Variants in DTYMK observed in about 807,000 individuals in gnomAD.
The protein encoded by DTYMK is thymidylate kinase.
DTYMK carries 20 observed loss-of-function variants against 20.3 expected under a neutral mutation model. The ratio of observed to expected loss-of-function variants is 0.99; its 90% CI spans 0.69 to 1.43. The LOEUF is 1.43. Ranked by LOEUF, DTYMK falls within the 40% of genes most tolerant of loss-of-function variation. The pLI is 0.00. For missense variants in DTYMK, 320 were observed against 291.1 expected (o/e 1.10, Z -0.72); for synonymous variants, 148 against 124.4 (o/e 1.19, Z -1.27).
chr2:241,676,934 C>T (rs1229782806), intron 4 of DTYMK, among the ~76,000 whole-genome samples: 5 of 152,274 alleles, frequency 3.3e-5, no homozygotes, highest in African/African-American at 9.6e-5. Context: ...ACCAGTGCAA[C>T]ACTGGGCCTG....
intron 3 of DTYMK, among the ~76,000 whole-genome samples, chr2:241,679,602 C>T (rs1433122577): frequency 1.3e-5 from 2 of 152,070 alleles, no homozygotes; most frequent in Non-Finnish European, 2.9e-5. Flanking sequence ...TGTACTCCAG[C>T]CTGGGCAACA....
In DTYMK at chr2:241,682,695, G is replaced by A. The variant is rs188870736; in HGVS notation, c.240-2376C>T. 4.5e-3 allele frequency: 762 copies of A among 169,826 alleles called. 7 individuals are homozygous for A. Among genetic ancestry groups the A allele is most frequent in the African/African-American group, 0.017 (727 of 41,618 alleles). The allele number at this position is 169,826 out of a possible 1,614,324, so 10.5% of individuals were successfully genotyped here. Reference sequence around the variant, plus strand: ...CCAGCACTTTGGGAGGCTAAAGCAGGTGGATCACCTGAGGTCAGGAGTTCA... The same window carrying A: ...CCAGCACTTTGGGAGGCTAAAGCAGATGGATCACCTGAGGTCAGGAGTTCA... On this transcript the variant is annotated intron_variant, in intron 2 of 4. Transcript: ENST00000305784.
At position 241,678,661 on chromosome 2, in the gene DTYMK, GAACCC is replaced by G; in HGVS notation, c.331-17_331-13del. The G allele has an allele frequency of 6.2e-7, 1 of 1,613,784 alleles. No individual in the cohort carries two copies. The highest frequency in any genetic ancestry group is 8.5e-7 in the Non-Finnish European group (1 of 1,179,916). ...TCTAGGGAAAAATTCTGCCAAGAAA[GAACCC>G]AACAGTTAAAGCTTAGTGTAGTCTA... On this transcript the variant is annotated splice_polypyrimidine_tract_variant and intron_variant, in intron 3 of 4. Coordinates refer to ENST00000305784, the MANE Select transcript of DTYMK (RefSeq NM_012145.4).
intron 4 of DTYMK, among the ~76,000 whole-genome samples, chr2:241,676,948 C>T (rs1268546549): frequency 2.0e-5 from 3 of 152,262 alleles, no homozygotes; most frequent in Non-Finnish European, 2.9e-5. Flanking sequence ...GGGCCTGACT[C>T]GTCCTTGCGG....
chr2:241,677,639 T>G (rs1575102521), intron 4 of DTYMK, among the ~76,000 whole-genome samples: 1 of 151,574 alleles, frequency 6.6e-6, no homozygotes, highest in Non-Finnish European at 1.5e-5. Context: ...GGGAGAGAGG[T>G]AGGGGCTGCG....
chr2:241,684,716 A>T, intron 2 of DTYMK: 1 of 467,238 alleles, frequency 2.1e-6, no homozygotes, highest in Non-Finnish European at 4.4e-6. Flanking sequence ...AAGAACACAC[A>T]TCAACATTAA....
At position 241,678,703 on chromosome 2, in the gene DTYMK, C is replaced by T. The variant is rs988419398; in HGVS notation, c.331-54G>A. The T allele has an allele frequency of 1.9e-5, 30 of 1,587,268 alleles. No homozygotes were observed. The African/African-American group carries it at 2.4e-4, about 13-fold the overall frequency. ...CTTAGTGTAGTCTAGGTTTTTGTTT[C>T]GAAAGTCGTAAAAACAGGAAAAAAT... is the stretch of plus-strand genomic sequence containing the variant. On this transcript the variant is annotated intron_variant, in intron 3 of 4. Coordinates refer to ENST00000305784, the MANE Select transcript of DTYMK (RefSeq NM_012145.4).
rs530571589 is a variant in DTYMK at position 241,678,097 on chromosome 2, G to A, written c.528+355C>T. On this transcript the variant is annotated intron_variant, in intron 4 of 4. Coordinates refer to ENST00000305784, the MANE Select transcript of DTYMK (RefSeq NM_012145.4). ...TGGAGACCAGCCTGACCAACGTGGA[G>A]AAACCCCATCTCTACAAAAAAAATT... 1.1e-3 allele frequency among the ~76,000 whole-genome samples: 166 copies of A among 152,184 alleles called. 1 individual carries two copies. Among genetic ancestry groups the A allele is most frequent in the African/African-American group, 3.7e-3 (154 of 41,498 alleles).
Position 241,686,764 on chromosome 2 carries a change from G to C in DTYMK, c.20C>G (p.Ala7Gly). The C allele has an allele frequency of 6.8e-7, 1 of 1,465,438 alleles. No homozygotes were observed. The highest frequency in any genetic ancestry group is 8.9e-7 in the Non-Finnish European group (1 of 1,123,286). The allele number at this position is 1,465,438 out of a possible 1,614,324, so 90.8% of individuals were successfully genotyped here. MAARRG[A>G]LIVLEGVDRA... Reference sequence around the variant, plus strand: ...GTCCACGCCCTCCAGCACTATGAGAGCCCCGCGCCGGGCCGCCATGACTGT... The same window carrying C: ...GTCCACGCCCTCCAGCACTATGAGACCCCCGCGCCGGGCCGCCATGACTGT... Residue 7 changes from alanine to glycine, a missense_variant, in exon 1 of 5, where the codon GCT becomes GGT. By Grantham distance (60) the Ala-to-Gly change is moderately conservative. Coordinates refer to ENST00000305784, the MANE Select transcript of DTYMK (RefSeq NM_012145.4).
chr2:241,686,628 G>A (rs1459129712), intron 1 of DTYMK, 26 bp downstream of exon 1: 2 of 1,482,406 alleles, frequency 1.3e-6, no homozygotes, highest in Non-Finnish European at 1.8e-6. Flanking sequence ...GAAGGCCGCG[G>A]CGCACCCCCC....
At position 241,676,219 on chromosome 2, in the gene DTYMK, T is replaced by A. The variant is rs781499721; in HGVS notation, c.547A>T (p.Ser183Cys). Residue 183 changes from serine (S) to cysteine (C), a missense_variant, in exon 5 of 5, where the codon AGC (serine) becomes TGC (cysteine). By Grantham distance (112) the Ser-to-Cys change is moderately radical. Coordinates refer to ENST00000305784, the MANE Select transcript of DTYMK (RefSeq NM_012145.4). Reference protein sequence around the residue: ...LNWKMVDASKSIEAVHEDIRV... With the variant: ...LNWKMVDASKCIEAVHEDIRV... ...ATGTCCTCATGGACAGCTTCGATGC[T>A]TTTGGAAGCATCCACCATCTGTTCC... 1 of 1,612,094 alleles carries A rather than the reference T, an allele frequency of 6.2e-7. No individual in the cohort carries two copies. The highest frequency in any genetic ancestry group is 8.5e-7 in the Non-Finnish European group (1 of 1,179,440).
intron 2 of DTYMK, chr2:241,684,581 G>A (rs2069335783): frequency 8.2e-6 from 3 of 366,770 alleles, no homozygotes; most frequent in South Asian, 4.5e-5. Flanking sequence ...GCAGAAATCT[G>A]TAAGGCAGAG....
intron 2 of DTYMK, among the ~76,000 whole-genome samples, chr2:241,684,456 T>G (rs770359934): frequency 7.9e-5 from 12 of 152,150 alleles, no homozygotes; most frequent in Non-Finnish European, 1.3e-4. Context: ...ACACGGATGA[T>G]GAGGAACCAC....
At chr2:241,686,190 A>G (rs775281031) in intron 1 of DTYMK, among the ~76,000 whole-genome samples, 1 of 152,260 alleles carries the variant, frequency 6.6e-6, no homozygotes, top group Non-Finnish European at 1.5e-5. Flanking sequence ...GCTTCACTTG[A>G]AAACTTTTAA....
chr2:241,684,511 A>G (rs2069333677), intron 2 of DTYMK, among the ~76,000 whole-genome samples: 1 of 152,234 alleles, frequency 6.6e-6, no homozygotes, highest in Non-Finnish European at 1.5e-5. Flanking sequence ...CCGTGGTTCT[A>G]GAGACAATGC....
In DTYMK at chr2:241,676,138, G is replaced by T; in HGVS notation, c.628C>A (p.Leu210Ile). Reference sequence around the variant, plus strand: ...TGGGCAGCCTTGGGTCACTTCCATAGCTCCCCCAGCGGCTTCTCTGTGGCA... The same window carrying T: ...TGGGCAGCCTTGGGTCACTTCCATATCTCCCCCAGCGGCTTCTCTGTGGCA... The part of the protein sequence containing the change: ...RTATEKPLGE[L>I]WK The change falls in exon 5 of 5, where the codon CTA becomes ATA. Residue 210 changes from leucine (L) to isoleucine (I), a missense_variant. By Grantham distance (5) the Leu-to-Ile change is conservative. Coordinates refer to ENST00000305784, the MANE Select transcript of DTYMK (RefSeq NM_012145.4). 6.2e-7 allele frequency: 1 copy of T among 1,611,488 alleles called. No homozygotes were observed. Among genetic ancestry groups the T allele is most frequent in the Non-Finnish European group, 8.5e-7 (1 of 1,178,790 alleles).
Position 241,676,125 on chromosome 2 carries a change from G to A in DTYMK, c.*2C>T, listed in dbSNP as rs374407095. 2.5e-5 allele frequency: 40 copies of A among 1,608,660 alleles called. No individual in the cohort carries two copies. The highest frequency in any genetic ancestry group is 3.2e-5 in the Non-Finnish European group (38 of 1,177,366). On this transcript the variant is annotated 3_prime_UTR_variant, in exon 5 of 5. Coordinates refer to ENST00000305784, the MANE Select transcript of DTYMK (RefSeq NM_012145.4). Reference sequence around the variant, plus strand: ...GAGGCGTCTCCAGTGGGCAGCCTTGGGTCACTTCCATAGCTCCCCCAGCGG... The same window carrying A: ...GAGGCGTCTCCAGTGGGCAGCCTTGAGTCACTTCCATAGCTCCCCCAGCGG...
chr2:241,678,323 C>G (rs547936249), intron 4 of DTYMK, 129 bp downstream of exon 4: 1 of 1,317,612 alleles, frequency 7.6e-7, no homozygotes, highest in Admixed American at 2.2e-5. Flanking sequence ...CGACTACTCC[C>G]GGGGCTCCAC....
At chr2:241,680,407 T>A in intron 2 of DTYMK, 88 bp from the exon 3 acceptor site, 1 of 1,428,324 alleles carries the variant, frequency 7.0e-7, no homozygotes, top group Non-Finnish European at 9.8e-7. Context: ...CTGTGCGCAG[T>A]GGCTCACCCC....
Sources: gnomAD v4.1 joint callset for allele counts (sites outside exome capture counted in the v4.1 genomes callset) on GRCh38, gnomAD v4.1.1 for gene constraint, MANE v1.5 for transcripts, NCBI Gene and HGNC (gene_info 2026-07-23, HGNC 2026-07-21) for gene names.